Variants in C12orf42 observed in about 807,000 individuals in gnomAD.
C12orf42 encodes the protein chromosome 12 open reading frame 42, also known as uncharacterized protein C12orf42.
In C12orf42, 25 loss-of-function variants were observed where a neutral mutation model predicts 21.6. The ratio of observed to expected loss-of-function variants is 1.16; its 90% CI spans 0.84 to 1.62. C12orf42 has a LOEUF of 1.62. Ranked by LOEUF, C12orf42 falls within the 40% of genes most tolerant of loss-of-function variation. C12orf42 has a pLI of 0.00. For missense variants in C12orf42, 483 were observed against 459.3 expected (o/e 1.05, Z -0.47); for synonymous variants, 174 against 175.0 (o/e 0.99, Z 0.05).
At chr12:103,494,303 G>A (rs1212284075) in intron 1 of C12orf42, among the ~76,000 whole-genome samples, 1 of 152,158 alleles carries the variant, frequency 6.6e-6, no homozygotes, top group Non-Finnish European at 1.5e-5. Flanking sequence ...TTCAGAGAGT[G>A]CTCCATGCCT....
intron 1 of C12orf42, among the ~76,000 whole-genome samples, chr12:103,480,466 A>T (rs1313896680): frequency 6.6e-6 from 1 of 151,142 alleles, no homozygotes; most frequent in East Asian, 1.9e-4. Context: ...TGTTTGTTTT[A>T]AATTATTTAT....
chr12:103,500,827 C>T (rs1184582319), upstream of C12orf42, among the ~76,000 whole-genome samples: 1 of 152,180 alleles, frequency 6.6e-6, no homozygotes, highest in Non-Finnish European at 1.5e-5. Context: ...TGAAGTGATA[C>T]TGCAAAGTAA....
At chr12:103,216,847 C>G in the C12orf42 span, among the ~76,000 whole-genome samples, 1 of 151,836 alleles carries the variant, frequency 6.6e-6, no homozygotes, top group Non-Finnish European at 1.5e-5. Context: ...TTCTTTTTCT[C>G]TCTTTCTTTT....
chr12:103,457,304 C>T (rs1006641266), intron 2 of C12orf42, among the ~76,000 whole-genome samples: 1 of 152,174 alleles, frequency 6.6e-6, no homozygotes, highest in African/African-American at 2.4e-5. Context: ...AAGAAAGTAG[C>T]TTTTAAGGCA....
At chr12:103,132,374 C>G in the C12orf42 span, among the ~76,000 whole-genome samples, 1 of 152,134 alleles carries the variant, frequency 6.6e-6, no homozygotes, top group Non-Finnish European at 1.5e-5. Context: ...ATGAGTGACC[C>G]TCAGTGGTCC....
intron 2 of C12orf42, among the ~76,000 whole-genome samples, chr12:103,455,398 T>C (rs992273607): frequency 8.5e-5 from 13 of 152,286 alleles, no homozygotes; most frequent in African/African-American, 3.1e-4. Flanking sequence ...TGTCTATCTT[T>C]ATAACACTCT....
the C12orf42 span, among the ~76,000 whole-genome samples, chr12:103,174,462 C>G: frequency 6.6e-6 from 1 of 152,134 alleles, no homozygotes; most frequent in Non-Finnish European, 1.5e-5. Flanking sequence ...GATGTAGATA[C>G]TAGCATCAGC....
chr12:103,507,235 A>ATT, the C12orf42 span, among the ~76,000 whole-genome samples: 1 of 57,040 alleles, frequency 1.8e-5, no homozygotes, highest in African/African-American at 1.0e-4. Flanking sequence ...ATAAATATAT[A>ATT]TATATTATAT....
intron 4 of C12orf42, among the ~76,000 whole-genome samples, chr12:103,282,522 T>C (rs2136316555): frequency 6.6e-6 from 1 of 152,298 alleles, no homozygotes; most frequent in East Asian, 1.9e-4. Context: ...CAATAGGATA[T>C]ATCATATAGC....
chr12:103,505,776 G>A, the C12orf42 span, among the ~76,000 whole-genome samples: 1 of 152,222 alleles, frequency 6.6e-6, no homozygotes, highest in Non-Finnish European at 1.5e-5. Flanking sequence ...GTGATGGTGG[G>A]AAATGACAGT....
At chr12:103,111,970 G>C in the C12orf42 span, among the ~76,000 whole-genome samples, 1 of 152,196 alleles carries the variant, frequency 6.6e-6, no homozygotes, top group Admixed American at 6.5e-5. Flanking sequence ...TCCATGGAAG[G>C]ATTTGGCAAT....
chr12:103,420,740 C>T (rs961840659), intron 2 of C12orf42, among the ~76,000 whole-genome samples: 2 of 152,126 alleles, frequency 1.3e-5, no homozygotes, highest in African/African-American at 2.4e-5. Flanking sequence ...AGACTGGTCT[C>T]GACTTCCTGA....
chr12:103,545,679 C>A, the C12orf42 span, among the ~76,000 whole-genome samples: 1 of 152,160 alleles, frequency 6.6e-6, no homozygotes, highest in East Asian at 1.9e-4. Context: ...GAAATTGGCC[C>A]AATGATCCTC....
intron 5 of C12orf42, among the ~76,000 whole-genome samples, chr12:103,275,105 A>C (rs2035690303): frequency 6.6e-6 from 1 of 152,178 alleles, no homozygotes. Flanking sequence ...TTAAATACTA[A>C]ATATGTATTT....
In C12orf42 at chr12:103,294,636, G is replaced by GAA. The variant is rs1480779632; in HGVS notation, n.338-17428_338-17427dup. On this transcript the variant is annotated intron_variant and non_coding_transcript_variant, in intron 4 of 6. Transcript: ENST00000546526. ...AGAAAGAAAGAAAGAAAGAAAGAAA[G>GAA]AAGGAAAAGAAAGAGAAAGAAAGAA... 1.5e-3 allele frequency among the ~76,000 whole-genome samples: 210 copies of GAA among 144,292 alleles called. 1 individual carries two copies. Among genetic ancestry groups the GAA allele is most frequent in the Non-Finnish European group, 2.4e-3 (159 of 65,650 alleles). 94.7% of individuals were successfully genotyped at this position (144,292 alleles called of 152,430 possible). A position where few individuals can be genotyped will look rare whatever the true frequency, so the allele number is the denominator to read the frequency against.
the C12orf42 span, among the ~76,000 whole-genome samples, chr12:103,538,351 T>C: frequency 1.3e-5 from 2 of 152,244 alleles, no homozygotes; most frequent in African/African-American, 4.8e-5. Flanking sequence ...AGGAAGAGTG[T>C]AACAGATACT....
At chr12:103,086,654 G>C in the C12orf42 span, among the ~76,000 whole-genome samples, 1 of 151,722 alleles carries the variant, frequency 6.6e-6, no homozygotes, top group Non-Finnish European at 1.5e-5. Flanking sequence ...AGCTCCTGCC[G>C]CTTTCTTAAT....
chr12:103,355,475 T>C (rs1419863689), intron 4 of C12orf42, among the ~76,000 whole-genome samples: 1 of 152,150 alleles, frequency 6.6e-6, no homozygotes, highest in Admixed American at 6.6e-5. Context: ...AAGATGATCA[T>C]TTCTACAACA....
intron 2 of C12orf42, among the ~76,000 whole-genome samples, chr12:103,471,354 C>T (rs2137876550): frequency 6.6e-6 from 1 of 152,324 alleles, no homozygotes; most frequent in Non-Finnish European, 1.5e-5. Context: ...TATTTTTCCT[C>T]TACTTCCTAA....
Sources: gnomAD v4.1 joint callset for allele counts (sites outside exome capture counted in the v4.1 genomes callset) on GRCh38, gnomAD v4.1.1 for gene constraint, MANE v1.5 for transcripts, NCBI Gene and HGNC (gene_info 2026-07-23, HGNC 2026-07-21) for gene names.